The following MREG variants were observed in gnomAD, a reference collection of about 807,000 sequenced individuals.
MREG encodes melanoregulin.
Under a neutral mutation model 28.5 loss-of-function variants are expected in MREG, and 31 were observed. The ratio of observed to expected loss-of-function variants is 1.09; its 90% CI spans 0.82 to 1.47. The LOEUF (loss-of-function observed/expected upper bound fraction) is 1.47. MREG is among the 40% of genes most tolerant of loss of function. The probability of loss-of-function intolerance (pLI) is 0.00; values close to 1 mark genes in which losing one functional copy is unlikely to be tolerated. For missense variants in MREG, 256 were observed against 257.4 expected, an observed-to-expected ratio of 0.99 and a Z score of 0.04; for synonymous variants, 106 against 95.2, an observed-to-expected ratio of 1.11 and a Z score of -0.66.
At chr2:215,960,201 C>T (rs747820069) in intron 2 of MREG, among the ~76,000 whole-genome samples, 3 of 152,140 alleles carry the variant, frequency 2.0e-5, no homozygotes, top group Non-Finnish European at 2.9e-5. Flanking sequence ...ACGATCCGCC[C>T]GCCTTGGCCT....
chr2:216,007,961 T>C (rs1052594099), intron 1 of MREG, among the ~76,000 whole-genome samples: 12 of 152,300 alleles, frequency 7.9e-5, no homozygotes, highest in Middle Eastern at 6.8e-3. Flanking sequence ...ATTGATTGGT[T>C]GACAGGGATC....
At chr2:215,963,518 T>G (rs1047770383) in intron 2 of MREG, among the ~76,000 whole-genome samples, 2 of 152,180 alleles carry the variant, frequency 1.3e-5, no homozygotes, top group African/African-American at 4.8e-5. Context: ...TATAACTGAT[T>G]AAATAAGACT....
chr2:215,976,839 T>C (rs1693274048), intron 2 of MREG, among the ~76,000 whole-genome samples: 1 of 152,222 alleles, frequency 6.6e-6, no homozygotes. Flanking sequence ...TGAGAGCTTT[T>C]GTCACCACCA....
Position 215,944,689 on chromosome 2 carries a change from A to G in MREG, c.*174T>C, listed in dbSNP as rs751684379. ...ACCAAGGCGTTTCAATGCAGCCTGC[A>G]CAATTCATGGGGCAGGGTCCTCAGA... On this transcript the variant is annotated 3_prime_UTR_variant, in exon 5 of 5. Transcript: ENST00000263268. 5.2e-6 allele frequency: 3 copies of G among 572,988 alleles called. No homozygotes were observed. Among genetic ancestry groups the G allele is most frequent in the Non-Finnish European group, 8.4e-6 (3 of 358,970 alleles). The allele number at this position is 572,988 out of a possible 1,614,324, so 35.5% of individuals were successfully genotyped here. A position where few individuals can be genotyped will look rare whatever the true frequency, so the allele number is the denominator to read the frequency against.
At chr2:215,998,642 A>C (rs1452204069) in intron 1 of MREG, among the ~76,000 whole-genome samples, 1 of 152,228 alleles carries the variant, frequency 6.6e-6, no homozygotes, top group Non-Finnish European at 1.5e-5. Context: ...AAGCTAGAAC[A>C]CAGGCAGCCC....
At chr2:215,995,737 T>G (rs1003474385) in intron 2 of MREG, among the ~76,000 whole-genome samples, 3 of 152,350 alleles carry the variant, frequency 2.0e-5, no homozygotes, top group African/African-American at 7.2e-5. Context: ...AGTTCTCTCC[T>G]TTTTAATATT....
chr2:216,025,353 G>A (rs547311566), intron 1 of MREG, among the ~76,000 whole-genome samples: 2 of 152,332 alleles, frequency 1.3e-5, no homozygotes, highest in African/African-American at 2.4e-5. Context: ...CAACTTAGAG[G>A]AGGTGCAGAC....
At chr2:216,017,111 T>A (rs2105928744), upstream of MREG, among the ~76,000 whole-genome samples, 1 of 152,320 alleles carries the variant, frequency 6.6e-6, no homozygotes, top group African/African-American at 2.4e-5. Flanking sequence ...CATAAACACA[T>A]ATGTGTACTT....
At chr2:216,009,534 G>A (rs10191047) in intron 1 of MREG, among the ~76,000 whole-genome samples, 2,181 of 152,202 alleles carry the variant, frequency 0.014, 34 homozygotes, top group Non-Finnish European at 0.024. Context: ...CTACATGGCA[G>A]TAGGCTCCAT....
chr2:215,955,517 A>G (rs999973991), intron 2 of MREG, among the ~76,000 whole-genome samples: 10 of 152,250 alleles, frequency 6.6e-5, no homozygotes, highest in African/African-American at 1.9e-4. Flanking sequence ...AATTAAATAC[A>G]TCTAAATCAC....
chr2:216,028,236 C>G (rs1021853319), intron 1 of MREG, among the ~76,000 whole-genome samples: 4 of 152,108 alleles, frequency 2.6e-5, no homozygotes, highest in Admixed American at 6.5e-5. Context: ...CCCAGATAGG[C>G]CGGGCACGGT....
intron 2 of MREG, among the ~76,000 whole-genome samples, chr2:215,981,267 A>G (rs1378344371): frequency 6.6e-6 from 1 of 152,190 alleles, no homozygotes; most frequent in East Asian, 1.9e-4. Context: ...GTGTCCATCA[A>G]TGGATGAGTG....
At position 216,013,384 on chromosome 2, in the gene MREG, CGATCGA is replaced by C; in HGVS notation, c.-63_-58del. The C allele has an allele frequency of 7.3e-7, 1 of 1,365,894 alleles. No homozygotes were observed. Among genetic ancestry groups the C allele is most frequent in the Middle Eastern group, 2.0e-4 (1 of 5,020 alleles). The allele number at this position is 1,365,894 out of a possible 1,614,324, so 84.6% of individuals were successfully genotyped here. On this transcript the variant is annotated 5_prime_UTR_variant, in exon 1 of 5. Transcript: ENST00000263268. ...CCTGGGGCCGAGTCGCCGCGGCGAG[CGATCGA>C]GGCTGGGGCGCGGCCACCGCGCCAG...
At chr2:215,997,955 G>A (rs959209137) in intron 1 of MREG, among the ~76,000 whole-genome samples, 1 of 152,146 alleles carries the variant, frequency 6.6e-6, no homozygotes, top group African/African-American at 2.4e-5. Context: ...GCTAGGGAGG[G>A]GCTCCAGCCC....
At chr2:215,983,271 T>A (rs1223201331) in intron 2 of MREG, among the ~76,000 whole-genome samples, 1 of 152,236 alleles carries the variant, frequency 6.6e-6, no homozygotes, top group African/African-American at 2.4e-5. Flanking sequence ...TGTCCAATTC[T>A]TGGGGACATA....
intron 2 of MREG, among the ~76,000 whole-genome samples, chr2:215,987,274 C>T (rs1270572589): frequency 6.6e-6 from 1 of 150,726 alleles, no homozygotes; most frequent in South Asian, 2.1e-4. Context: ...TAGATGAAGT[C>T]TTGCTCTGTC....
chr2:216,010,860 A>G (rs577930346), intron 1 of MREG, among the ~76,000 whole-genome samples: 1 of 151,380 alleles, frequency 6.6e-6, no homozygotes, highest in East Asian at 2.0e-4. Context: ...CTTTGGGGAG[A>G]CCGAGGCAGG....
At chr2:216,011,262 C>G (rs1476913028) in intron 1 of MREG, among the ~76,000 whole-genome samples, 1 of 152,162 alleles carries the variant, frequency 6.6e-6, no homozygotes, top group Non-Finnish European at 1.5e-5. Context: ...CCCATATACA[C>G]ACACGCCACT....
chr2:215,977,651 G>A (rs554890446), intron 2 of MREG, among the ~76,000 whole-genome samples: 3 of 152,296 alleles, frequency 2.0e-5, no homozygotes, highest in African/African-American at 7.2e-5. Flanking sequence ...CTTAGCAAAT[G>A]TGAAAGAACA....
Sources: allele counts gnomAD v4.1 joint callset (sites outside exome capture counted in the v4.1 genomes callset), GRCh38; gene constraint gnomAD v4.1.1; transcripts MANE v1.5; gene names NCBI Gene and HGNC (gene_info 2026-07-23, HGNC 2026-07-21).